The following NKAIN3 variants were observed in gnomAD, a reference collection of about 807,000 sequenced individuals.
The protein encoded by NKAIN3 is sodium/potassium-transporting ATPase subunit beta-1-interacting protein 3.
A neutral mutation model predicts 30.2 loss-of-function variants in NKAIN3; 25 were observed. That is an observed-to-expected ratio of 0.83 (90% confidence interval 0.60 to 1.16). NKAIN3 has a LOEUF of 1.16. Among genes scored for constraint, NKAIN3 ranks in the 50% most tolerant of loss-of-function variants. The pLI is 0.00. For missense variants in NKAIN3, 225 were observed against 254.1 expected (o/e 0.89, Z 0.78); for synonymous variants, 91 against 89.6 (o/e 1.02, Z -0.09).
chr8:62,549,540 C>T (rs1040812205), intron 1 of NKAIN3, among the ~76,000 whole-genome samples: 11 of 151,968 alleles, frequency 7.2e-5, no homozygotes, highest in Non-Finnish European at 1.5e-4. Flanking sequence ...GCATTTTTAC[C>T]TGAGAAGTAA....
intron 4 of NKAIN3, among the ~76,000 whole-genome samples, chr8:62,849,982 G>A (rs1228071056): frequency 6.6e-6 from 1 of 151,856 alleles, no homozygotes; most frequent in Non-Finnish European, 1.5e-5. Context: ...TAATGCGATA[G>A]CTGGGTGAAA....
intron 1 of NKAIN3, among the ~76,000 whole-genome samples, chr8:62,415,367 C>G (rs1175417910): frequency 6.8e-6 from 1 of 147,860 alleles, no homozygotes; most frequent in Non-Finnish European, 1.5e-5. Context: ...TGAGAGAGAT[C>G]AGAAAAGTCT....
At chr8:62,787,597 TATACATGTGC>T in intron 4 of NKAIN3, among the ~76,000 whole-genome samples, 1 of 152,332 alleles carries the variant, frequency 6.6e-6, no homozygotes, top group African/African-American at 2.4e-5. Context: ...GTTACATATG[TATACATGTGC>T]CATGTTGGTG....
Position 62,414,420 on chromosome 8 carries a change from A to G in NKAIN3, c.55-165119A>G, listed in dbSNP as rs576675989. Among the ~76,000 whole-genome samples, 118 of 152,304 alleles carry G rather than the reference A, an allele frequency of 7.7e-4. 1 individual carries two copies. The highest frequency in any genetic ancestry group is 2.6e-3 in the African/African-American group (106 of 41,560). On this transcript the variant is annotated intron_variant, in intron 1 of 6. Coordinates refer to ENST00000623646, the MANE Select transcript of NKAIN3 (RefSeq NM_001304533.3). Reference sequence around the variant, plus strand: ...GAATGGGAAGTGTGGAAAAAAATCAACGATACTGTTCTTTTGATGCTTTGT... The same window carrying G: ...GAATGGGAAGTGTGGAAAAAAATCAGCGATACTGTTCTTTTGATGCTTTGT...
intron 3 of NKAIN3, among the ~76,000 whole-genome samples, chr8:62,706,630 G>A (rs1464821932): frequency 6.6e-6 from 1 of 151,876 alleles, no homozygotes; most frequent in Non-Finnish European, 1.5e-5. Flanking sequence ...GTATGTCCCA[G>A]TAATCTATCT....
At chr8:62,344,993 G>T in intron 1 of NKAIN3, 3 of 233,414 alleles carry the variant, frequency 1.3e-5, no homozygotes, top group South Asian at 5.2e-5. Flanking sequence ...AGTGTTTTAT[G>T]GTATTCATTG....
chr8:62,939,588 G>A (rs1418391839), intron 5 of NKAIN3, among the ~76,000 whole-genome samples: 3 of 152,054 alleles, frequency 2.0e-5, no homozygotes, highest in Admixed American at 6.6e-5. Context: ...GAAGGAAGTG[G>A]GGTCCTATCT....
intron 3 of NKAIN3, among the ~76,000 whole-genome samples, chr8:62,630,251 A>G (rs1216871252): frequency 2.0e-5 from 3 of 152,012 alleles, no homozygotes; most frequent in African/African-American, 7.2e-5. Flanking sequence ...ATAAAGGGGG[A>G]GTACTGTACA....
intron 1 of NKAIN3, among the ~76,000 whole-genome samples, chr8:62,417,308 CT>C (rs570652937): frequency 3.9e-5 from 6 of 152,164 alleles, no homozygotes; most frequent in South Asian, 4.1e-4. Context: ...GGATTTCATT[CT>C]TTTTTTAGGG....
intron 1 of NKAIN3, among the ~76,000 whole-genome samples, chr8:62,377,750 T>C (rs966546749): frequency 2.6e-5 from 4 of 152,098 alleles, no homozygotes; most frequent in Non-Finnish European, 5.9e-5. Context: ...ACTTATTCTC[T>C]CTCCTGCCAC....
intron 1 of NKAIN3, among the ~76,000 whole-genome samples, chr8:62,425,145 G>A (rs1037371072): frequency 2.1e-4 from 32 of 151,744 alleles, no homozygotes; most frequent in African/African-American, 7.5e-4. Flanking sequence ...GAAATGGGGA[G>A]TTGCTATTCA....
At chr8:62,838,416 G>T (rs1358308939) in intron 4 of NKAIN3, among the ~76,000 whole-genome samples, 1 of 151,920 alleles carries the variant, frequency 6.6e-6, no homozygotes, top group Non-Finnish European at 1.5e-5. Flanking sequence ...GGGACATTTA[G>T]AAGAGAGATT....
intron 1 of NKAIN3, among the ~76,000 whole-genome samples, chr8:62,276,592 G>A (rs772920771): frequency 6.6e-6 from 1 of 152,108 alleles, no homozygotes; most frequent in Non-Finnish European, 1.5e-5. Context: ...ATGTACCTAC[G>A]TATTTGGTTT....
chr8:62,597,866 A>AT (rs1469995110), intron 3 of NKAIN3, among the ~76,000 whole-genome samples: 9 of 152,054 alleles, frequency 5.9e-5, no homozygotes, highest in Middle Eastern at 3.4e-3. Flanking sequence ...TGTATATTAT[A>AT]TATCTCATTT....
intron 5 of NKAIN3, among the ~76,000 whole-genome samples, chr8:62,940,270 A>G (rs550869103): frequency 1.9e-4 from 29 of 152,316 alleles, no homozygotes; most frequent in Admixed American, 1.4e-3. Flanking sequence ...TTGTAAAATA[A>G]TAACTACTAG....
intron 3 of NKAIN3, among the ~76,000 whole-genome samples, chr8:62,612,881 A>C (rs1038683858): frequency 6.6e-6 from 1 of 152,138 alleles, no homozygotes; most frequent in Non-Finnish European, 1.5e-5. Flanking sequence ...ACAAGCAAGC[A>C]AAAAGAAAGC....
rs931703321 is a variant in NKAIN3 at position 62,886,549 on chromosome 8, A to T, written c.472-31904A>T. On this transcript the variant is annotated intron_variant, in intron 4 of 6. Coordinates refer to ENST00000623646, the MANE Select transcript of NKAIN3 (RefSeq NM_001304533.3). ...AATTTCTTGTCAACAAATTATCTCA[A>T]TTTTTTATTTTATAATAAAATCTTT... is the stretch of plus-strand genomic sequence containing the variant. Among the ~76,000 whole-genome samples, 14 of 152,208 alleles carry T rather than the reference A, an allele frequency of 9.2e-5. No homozygotes were observed. The East Asian group carries it at 2.7e-3, about 29-fold the overall frequency.
At chr8:62,399,940 C>G (rs1403939176) in intron 1 of NKAIN3, among the ~76,000 whole-genome samples, 1 of 152,110 alleles carries the variant, frequency 6.6e-6, no homozygotes, top group Non-Finnish European at 1.5e-5. Flanking sequence ...ATAGGGGAGA[C>G]AGTGTGGATG....
intron 6 of NKAIN3, among the ~76,000 whole-genome samples, chr8:62,956,584 T>C (rs543391359): frequency 1.3e-4 from 20 of 152,230 alleles, no homozygotes; most frequent in African/African-American, 4.8e-4. Flanking sequence ...GGAAGTGGGG[T>C]TGGGATAGGG....
Sources: gnomAD v4.1 joint callset for allele counts (sites outside exome capture counted in the v4.1 genomes callset) on GRCh38, gnomAD v4.1.1 for gene constraint, MANE v1.5 for transcripts, NCBI Gene and HGNC (gene_info 2026-07-23, HGNC 2026-07-21) for gene names.